The following NIPSNAP2 variants were observed in gnomAD, a reference collection of about 807,000 sequenced individuals.
The protein encoded by NIPSNAP2 is nipsnap homolog 2.
A neutral mutation model predicts 48.4 loss-of-function variants in NIPSNAP2; 42 were observed. The observed-to-expected ratio is 0.87, with a 90% CI of 0.68 to 1.12. NIPSNAP2 has a LOEUF of 1.12. Ranked by LOEUF, NIPSNAP2 falls within the 50% of genes most tolerant of loss-of-function variation. The pLI, the probability that NIPSNAP2 is intolerant of heterozygous loss-of-function variation, is 0.00. For missense variants in NIPSNAP2, 314 were observed against 347.3 expected (o/e 0.90, Z 0.76); for synonymous variants, 158 against 126.6 (o/e 1.25, Z -1.67).
At chr7:55,996,208 C>T (rs1024638013) in intron 8 of NIPSNAP2, among the ~76,000 whole-genome samples, 2 of 151,076 alleles carry the variant, frequency 1.3e-5, no homozygotes, top group African/African-American at 4.9e-5. Flanking sequence ...ATCGATTGAA[C>T]TCAAGAGGCG....
chr7:55,975,925 T>G (rs1468877052), intron 1 of NIPSNAP2, among the ~76,000 whole-genome samples: 1 of 152,136 alleles, frequency 6.6e-6, no homozygotes, highest in African/African-American at 2.4e-5. Flanking sequence ...TAGTCCCAGC[T>G]ACTCAGGAGG....
chr7:55,997,909 G>A (rs1787595350), intron 9 of NIPSNAP2, among the ~76,000 whole-genome samples: 1 of 152,252 alleles, frequency 6.6e-6, no homozygotes, highest in Non-Finnish European at 1.5e-5. Flanking sequence ...ACATGCATGT[G>A]CACATACATA....
chr7:55,977,118 C>G (rs888593052), intron 1 of NIPSNAP2, among the ~76,000 whole-genome samples: 3 of 151,532 alleles, frequency 2.0e-5, no homozygotes, highest in African/African-American at 4.8e-5. Context: ...TGGCCAGGCT[C>G]GGTAGCTCCT....
intron 1 of NIPSNAP2, among the ~76,000 whole-genome samples, chr7:55,965,427 C>A (rs759205724): frequency 3.9e-5 from 6 of 151,948 alleles, no homozygotes; most frequent in Non-Finnish European, 8.8e-5. Context: ...TTTCCACATT[C>A]AAACAGCAAA....
At chr7:55,993,505 G>A (rs1282923836) in intron 7 of NIPSNAP2, among the ~76,000 whole-genome samples, 3 of 150,790 alleles carry the variant, frequency 2.0e-5, no homozygotes, top group Non-Finnish European at 4.4e-5. Context: ...CTTGAACCCA[G>A]AAGGTGGAGG....
chr7:55,983,506 A>G (rs1787263275), intron 5 of NIPSNAP2, among the ~76,000 whole-genome samples: 2 of 152,218 alleles, frequency 1.3e-5, no homozygotes, highest in Non-Finnish European at 2.9e-5. Context: ...AATAATTAGG[A>G]TGACCAAGTA....
chr7:55,995,665 C>T (rs551442613), intron 8 of NIPSNAP2, among the ~76,000 whole-genome samples: 1 of 152,298 alleles, frequency 6.6e-6, no homozygotes, highest in South Asian at 2.1e-4. Flanking sequence ...ATCCCTTTGG[C>T]TGTTGGGCAG....
intron 3 of NIPSNAP2, chr7:55,979,011 C>T (rs1192518699): frequency 6.6e-6 from 1 of 152,312 alleles, no homozygotes; most frequent in East Asian, 1.9e-4. Flanking sequence ...TTTAATGACC[C>T]ATGGTGAGCA....
chr7:55,966,815 G>A (rs2116324095), intron 1 of NIPSNAP2, among the ~76,000 whole-genome samples: 1 of 152,160 alleles, frequency 6.6e-6, no homozygotes, highest in East Asian at 1.9e-4. Flanking sequence ...ATAGGAATGT[G>A]TGAGATTGCT....
chr7:55,978,120 C>G lies in NIPSNAP2; in HGVS notation c.93-6C>G, dbSNP rs200383781. The stretch of plus-strand genomic sequence containing the variant: ...ACTGCGTGACAACACCTTTGTTATT[C>G]CATAGGACATGGACATCTTCCAGCA... On this transcript the variant is annotated splice_region_variant and splice_polypyrimidine_tract_variant and intron_variant, in intron 1 of 9. Coordinates refer to ENST00000322090, the MANE Select transcript of NIPSNAP2 (RefSeq NM_001483.3). The G allele has an allele frequency of 1.2e-6, 2 of 1,613,962 alleles. No homozygotes were observed. The highest frequency in any genetic ancestry group is 4.5e-5 in the East Asian group (2 of 44,868).
intron 7 of NIPSNAP2, among the ~76,000 whole-genome samples, chr7:55,994,521 T>A (rs1392941017): frequency 3.3e-5 from 5 of 152,118 alleles, no homozygotes; most frequent in African/African-American, 1.2e-4. Context: ...GAGACAAGCC[T>A]GGCCAACATA....
At chr7:55,995,873 A>G (rs572237200) in intron 8 of NIPSNAP2, among the ~76,000 whole-genome samples, 1 of 152,180 alleles carries the variant, frequency 6.6e-6, no homozygotes, top group Non-Finnish European at 1.5e-5. Context: ...TCACAGAGCA[A>G]CAGCAAGTTG....
chr7:55,992,084 T>C (rs548817758), intron 7 of NIPSNAP2, among the ~76,000 whole-genome samples: 3 of 152,058 alleles, frequency 2.0e-5, no homozygotes, highest in Non-Finnish European at 4.4e-5. Context: ...TAATTCTCAA[T>C]GTAAAGATTA....
chr7:55,994,524 C>T (rs541871994), intron 7 of NIPSNAP2, among the ~76,000 whole-genome samples: 1 of 152,106 alleles, frequency 6.6e-6, no homozygotes, highest in South Asian at 2.1e-4. Flanking sequence ...ACAAGCCTGG[C>T]CAACATAGGG....
rs200557711 is a variant in NIPSNAP2 at position 55,991,764 on chromosome 7, A to AT, written c.618-3130_618-3129insT. ...ACTCTGTCTCAAAAAAAAAAAAAAA[A>AT]AATATATATATATATATAATTTATA... is the stretch of plus-strand genomic sequence containing the variant. On this transcript the variant is annotated intron_variant, in intron 7 of 9. Transcript: ENST00000322090. 1,488 of 154,578 alleles carry AT rather than the reference A, an allele frequency of 9.6e-3. 11 individuals are homozygous for AT. The highest frequency in any genetic ancestry group is 0.019 in the African/African-American group (657 of 33,804). 9.6% of individuals were successfully genotyped at this position (154,578 alleles called of 1,614,324 possible).
intron 9 of NIPSNAP2, among the ~76,000 whole-genome samples, chr7:55,997,734 A>G (rs1280974367): frequency 5.9e-5 from 9 of 152,152 alleles, no homozygotes; most frequent in Non-Finnish European, 2.9e-5. Context: ...AGATTTCTAT[A>G]TTCTCTGAAA....
At chr7:55,983,893 C>T (rs1787273380) in intron 6 of NIPSNAP2, 25 bp downstream of exon 6, 2 of 1,601,500 alleles carry the variant, frequency 1.2e-6, no homozygotes, top group Non-Finnish European at 1.7e-6. Flanking sequence ...ATAAGTTATT[C>T]CTTTTACTCC....
chr7:55,999,219 T>G lies in NIPSNAP2; in HGVS notation c.*147T>G, dbSNP rs914431585. ...TGAGAAACCTCTTTTCTTTAAAATT[T>G]ACATAATCACAAGAAAGGAAAGAAT... On this transcript the variant is annotated 3_prime_UTR_variant, in exon 10 of 10. Coordinates refer to ENST00000322090, the MANE Select transcript of NIPSNAP2 (RefSeq NM_001483.3). 4.7e-5 allele frequency: 31 copies of G among 662,940 alleles called. No individual in the cohort carries two copies. The highest frequency in any genetic ancestry group is 1.1e-5 in the Non-Finnish European group (4 of 377,768). The allele number at this position is 662,940 out of a possible 1,614,324, so 41.1% of individuals were successfully genotyped here. A position where few individuals can be genotyped will look rare whatever the true frequency, so the allele number is the denominator to read the frequency against.
rs554657089 is a variant in NIPSNAP2, at chr7:55,972,000, A to C, written c.93-6126A>C. ...ACACAATTTCTGTTTAATGAACTTA[A>C]AATCTAAAATAAACACAGAAATTGG... On this transcript the variant is annotated intron_variant, in intron 1 of 9. Coordinates refer to ENST00000322090, the MANE Select transcript of NIPSNAP2 (RefSeq NM_001483.3). 3.9e-5 allele frequency among the ~76,000 whole-genome samples: 6 copies of C among 152,272 alleles called. No homozygotes were observed. The South Asian group carries it at 1.2e-3, about 32-fold the overall frequency.
Sources: gnomAD v4.1 joint callset for allele counts (sites outside exome capture counted in the v4.1 genomes callset) on GRCh38, gnomAD v4.1.1 for gene constraint, MANE v1.5 for transcripts, NCBI Gene and HGNC (gene_info 2026-07-23, HGNC 2026-07-21) for gene names.